The following ANKRD39 variants were observed in gnomAD, a reference collection of about 807,000 sequenced individuals.
ANKRD39 encodes ankyrin repeat domain 39.
ANKRD39 carries 18 observed loss-of-function variants against 20.3 expected under a neutral mutation model. The ratio of observed to expected loss-of-function variants is 0.89; its 90% CI spans 0.61 to 1.32. ANKRD39 has a LOEUF of 1.32. Ranked by LOEUF, ANKRD39 falls within the 40% of genes most tolerant of loss-of-function variation. ANKRD39 has a pLI of 0.00. For missense variants in ANKRD39, 243 were observed against 250.7 expected (o/e 0.97, Z 0.21); for synonymous variants, 106 against 111.9 (o/e 0.95, Z 0.33).
chr2:96,851,976 A>C (rs894341608), intron 3 of ANKRD39, among the ~76,000 whole-genome samples: 23 of 152,068 alleles, frequency 1.5e-4, no homozygotes, highest in Admixed American at 3.9e-4. Flanking sequence ...CCAGGTGTCG[A>C]GACGATAGTG....
At chr2:96,852,386 C>CAA (rs1232527949) in intron 3 of ANKRD39, among the ~76,000 whole-genome samples, 4,633 of 44,752 alleles carry the variant, frequency 0.1, 228 homozygotes, top group Middle Eastern at 0.17. Context: ...GACCCTGTCT[C>CAA]AAAAAAAAAA....
rs1473770688 is a variant in ANKRD39, at chr2:96,853,396, C to T, written c.408+5G>A. 5 of 1,567,322 alleles carry T rather than the reference C, an allele frequency of 3.2e-6. No individual in the cohort carries two copies. Among genetic ancestry groups the T allele is most frequent in the Admixed American group, 1.9e-5 (1 of 52,586 alleles). Reference sequence around the variant, plus strand: ...CGACATTTTTGGAAGGGGGAACGGGCCCACCTTATGCAGACTGGTCATGCC... The same window carrying T: ...CGACATTTTTGGAAGGGGGAACGGGTCCACCTTATGCAGACTGGTCATGCC... On this transcript the variant is annotated splice_donor_5th_base_variant and intron_variant, in intron 3 of 3. Coordinates refer to ENST00000393537, the MANE Select transcript of ANKRD39 (RefSeq NM_016466.6).
chr2:96,848,178 T>C lies in ANKRD39; in HGVS notation c.*123A>G. ...TCCCTCGCTTCCACAGTGACCAGACTGGGGCTCTTCCTGGGTGGTCTGGCC... is the reference window on the plus strand; with the variant it reads ...TCCCTCGCTTCCACAGTGACCAGACCGGGGCTCTTCCTGGGTGGTCTGGCC... On this transcript the variant is annotated 3_prime_UTR_variant, in exon 4 of 4. Coordinates refer to ENST00000393537, the MANE Select transcript of ANKRD39 (RefSeq NM_016466.6). 2 of 1,382,376 alleles carry C rather than the reference T, an allele frequency of 1.4e-6. No individual in the cohort carries two copies. The highest frequency in any genetic ancestry group is 2.0e-6 in the Non-Finnish European group (2 of 1,010,010). The allele number at this position is 1,382,376 out of a possible 1,614,324, so 85.6% of individuals were successfully genotyped here. A position where few individuals can be genotyped will look rare whatever the true frequency, so the allele number is the denominator to read the frequency against.
intron 3 of ANKRD39, among the ~76,000 whole-genome samples, chr2:96,849,322 T>C (rs2079825445): frequency 6.6e-6 from 1 of 151,998 alleles, no homozygotes; most frequent in African/African-American, 2.4e-5. Context: ...GTGGCTAACC[T>C]TTTTTTAAAA....
chr2:96,856,592 G>T (rs1376073236), intron 1 of ANKRD39, among the ~76,000 whole-genome samples: 4 of 151,926 alleles, frequency 2.6e-5, no homozygotes, highest in Non-Finnish European at 2.9e-5. Flanking sequence ...TTATTGTAGC[G>T]AGCTGTCCTG....
intron 3 of ANKRD39, among the ~76,000 whole-genome samples, chr2:96,849,938 A>C (rs1273267933): frequency 2.0e-5 from 3 of 152,216 alleles, no homozygotes; most frequent in African/African-American, 7.2e-5. Context: ...TACATAGACT[A>C]TCTTATTTAA....
At chr2:96,849,483 C>T (rs1167715435) in intron 3 of ANKRD39, among the ~76,000 whole-genome samples, 1 of 152,026 alleles carries the variant, frequency 6.6e-6, no homozygotes, top group Non-Finnish European at 1.5e-5. Flanking sequence ...AACCTCATCT[C>T]TACTAAAAAT....
chr2:96,857,968 C>G lies in ANKRD39; in HGVS notation c.20G>C (p.Cys7Ser), dbSNP rs745339590. The G allele has an allele frequency of 6.4e-7, 1 of 1,554,698 alleles. No homozygotes were observed. The highest frequency in any genetic ancestry group is 2.4e-5 in the East Asian group (1 of 42,032). Reference sequence around the variant, plus strand: ...ATGCGAGCAGCAGGGCCCGTCCGCGCAGGGCCGAGGCGTCGCCATCCCGGC... The same window carrying G: ...ATGCGAGCAGCAGGGCCCGTCCGCGGAGGGCCGAGGCGTCGCCATCCCGGC... MATPRP[C>S]ADGPCCSHPS... Residue 7 changes from cysteine (C) to serine (S), a missense_variant, in exon 1 of 4, where the codon TGC becomes TCC. Coordinates refer to ENST00000393537, the MANE Select transcript of ANKRD39 (RefSeq NM_016466.6).
chr2:96,848,745 C>T (rs769004469), intron 3 of ANKRD39, among the ~76,000 whole-genome samples: 74 of 151,950 alleles, frequency 4.9e-4, no homozygotes, highest in Non-Finnish European at 9.4e-4. Context: ...CGCTTGAACC[C>T]GGGAGGCGGA....
At chr2:96,853,734 T>G (rs906814355) in intron 2 of ANKRD39, 130 bp from the exon 3 acceptor site, 2 of 858,196 alleles carry the variant, frequency 2.3e-6, no homozygotes, top group Non-Finnish European at 1.8e-6. Flanking sequence ...CCAGCAGTCG[T>G]GTGACCTGGG....
At chr2:96,852,386 C>CAAAAAAAA (rs1232527949) in intron 3 of ANKRD39, among the ~76,000 whole-genome samples, 1 of 45,658 alleles carries the variant, frequency 2.2e-5, no homozygotes, top group Non-Finnish European at 4.5e-5. Flanking sequence ...GACCCTGTCT[C>CAAAAAAAA]AAAAAAAAAA....
chr2:96,853,715 G>A, intron 2 of ANKRD39, 111 bp from the exon 3 acceptor site: 1 of 1,074,966 alleles, frequency 9.3e-7, no homozygotes, highest in East Asian at 2.6e-5. Flanking sequence ...ATCATCTCAG[G>A]TGCCAACCCC....
At chr2:96,857,848 G>C in intron 1 of ANKRD39, 40 bp downstream of exon 1, 9 of 1,535,346 alleles carry the variant, frequency 5.9e-6, no homozygotes, top group Non-Finnish European at 7.9e-6. Context: ...CCTTGGGCCG[G>C]GGCCTGGTGA....
intron 1 of ANKRD39, among the ~76,000 whole-genome samples, chr2:96,854,832 C>A (rs1338877546): frequency 6.6e-6 from 1 of 152,206 alleles, no homozygotes; most frequent in African/African-American, 2.4e-5. Context: ...CCATGTTGGT[C>A]AGGCTGGCCT....
intron 1 of ANKRD39, among the ~76,000 whole-genome samples, chr2:96,855,464 C>T (rs1044909054): frequency 1.3e-5 from 2 of 152,222 alleles, no homozygotes; most frequent in African/African-American, 2.4e-5. Context: ...GTGGCTCACG[C>T]CTGTAATCCC....
intron 3 of ANKRD39, among the ~76,000 whole-genome samples, chr2:96,850,754 A>C (rs930368162): frequency 2.3e-4 from 35 of 152,212 alleles, no homozygotes; most frequent in African/African-American, 8.2e-4. Flanking sequence ...TGCATGAGAG[A>C]AAAAGGGATG....
chr2:96,856,374 T>G (rs2079865195), intron 1 of ANKRD39, among the ~76,000 whole-genome samples: 1 of 145,134 alleles, frequency 6.9e-6, no homozygotes, highest in Non-Finnish European at 1.5e-5. Context: ...CTCAGGAGAA[T>G]AGGAGAATCG....
intron 1 of ANKRD39, among the ~76,000 whole-genome samples, chr2:96,857,260 T>A (rs2079869732): frequency 6.6e-6 from 1 of 152,218 alleles, no homozygotes; most frequent in Non-Finnish European, 1.5e-5. Flanking sequence ...CAAGGGCAGA[T>A]GACACAGCAC....
At position 96,853,602 on chromosome 2, in the gene ANKRD39, G is replaced by C; in HGVS notation, c.207C>G (p.His69Gln). 2 of 1,611,672 alleles carry C rather than the reference G, an allele frequency of 1.2e-6. No individual in the cohort carries two copies. Among genetic ancestry groups the C allele is most frequent in the Non-Finnish European group, 1.7e-6 (2 of 1,179,766 alleles). Residue 69 changes from histidine to glutamine, a missense_variant and splice_region_variant, in exon 3 of 4, where the codon CAC (histidine) becomes CAG (glutamine). Physicochemically the swap from His to Gln is conservative, Grantham distance 24. Transcript: ENST00000393537. ...CGTAGTGCCCATTGCGGCTGGCATAGTGCTGCAGGGAACAGAGACCGAGGT... is the reference window on the plus strand; with the variant it reads ...CGTAGTGCCCATTGCGGCTGGCATACTGCTGCAGGGAACAGAGACCGAGGT... ...QPDSAGYTALHYASRNGHYAV... is the reference protein window; with the variant it reads ...QPDSAGYTALQYASRNGHYAV...
Sources: gnomAD v4.1 joint callset for allele counts (sites outside exome capture counted in the v4.1 genomes callset) on GRCh38, gnomAD v4.1.1 for gene constraint, MANE v1.5 for transcripts, NCBI Gene and HGNC (gene_info 2026-07-23, HGNC 2026-07-21) for gene names.